GSE1: variants seen among roughly 807,000 people sequenced by gnomAD.
The protein encoded by GSE1 is Gse1 coiled-coil protein, also known as genetic suppressor element 1.
Under a neutral mutation model 112.6 loss-of-function variants are expected in GSE1, and 32 were observed. The ratio of observed to expected loss-of-function variants is 0.28; its 90% CI spans 0.21 to 0.38. The LOEUF (loss-of-function observed/expected upper bound fraction) is 0.38. Ranked by LOEUF, GSE1 falls within the 10% of genes least tolerant of loss-of-function variation. The pLI is 1.00. For missense variants in GSE1, 2,348 were observed against 1,699.2 expected (o/e 1.38, Z -6.71); for synonymous variants, 1,115 against 735.6 (o/e 1.52, Z -8.35).
chr16:85,649,328 A>G (rs1330387713), intron 3 of GSE1, among the ~76,000 whole-genome samples: 6 of 152,212 alleles, frequency 3.9e-5, no homozygotes, highest in Non-Finnish European at 7.3e-5. Flanking sequence ...TGGTGTTTGC[A>G]CGCTGAGCAC....
At chr16:85,351,945 G>A (rs972912688) in intron 1 of GSE1, among the ~76,000 whole-genome samples, 13 of 152,100 alleles carry the variant, frequency 8.5e-5, no homozygotes, top group Admixed American at 1.3e-4. Context: ...AGCCGAGATC[G>A]CACCACTGCA....
intron 1 of GSE1, among the ~76,000 whole-genome samples, chr16:85,209,506 C>A (rs143067517): frequency 4.7e-4 from 71 of 152,246 alleles, no homozygotes; most frequent in African/African-American, 1.6e-3. Flanking sequence ...ACCACTGACC[C>A]CTCCCACCCT....
chr16:85,431,187 G>A (rs1176024539), intron 2 of GSE1, among the ~76,000 whole-genome samples: 5 of 152,178 alleles, frequency 3.3e-5, no homozygotes, highest in South Asian at 2.1e-4. Context: ...CTGATAGGGC[G>A]GCAGGCAACG....
intron 1 of GSE1, among the ~76,000 whole-genome samples, chr16:85,187,325 G>A (rs992221344): frequency 2.0e-5 from 3 of 152,270 alleles, no homozygotes; most frequent in African/African-American, 7.2e-5. Context: ...GCTGGTGGAA[G>A]GGACAGAGCG....
At chr16:85,418,014 T>C (rs990146133) in intron 2 of GSE1, among the ~76,000 whole-genome samples, 3 of 152,126 alleles carry the variant, frequency 2.0e-5, no homozygotes, top group Non-Finnish European at 4.4e-5. Context: ...AATTTTTGTA[T>C]TTTTAGTAGA....
intron 1 of GSE1, among the ~76,000 whole-genome samples, chr16:85,569,131 C>G (rs2045877988): frequency 6.6e-6 from 1 of 152,210 alleles, no homozygotes; most frequent in Non-Finnish European, 1.5e-5. Flanking sequence ...GGATCCTTTT[C>G]TCCCCGACAG....
intron 9 of GSE1, 86 bp from the exon 10 acceptor site, chr16:85,662,895 G>C: frequency 1.1e-6 from 1 of 940,630 alleles, no homozygotes; most frequent in South Asian, 1.4e-5. Context: ...CCTGATAGGT[G>C]CTCTGCACAC....
At chr16:85,489,443 G>T (rs528103041) in intron 2 of GSE1, among the ~76,000 whole-genome samples, 1 of 152,028 alleles carries the variant, frequency 6.6e-6, no homozygotes, top group Non-Finnish European at 1.5e-5. Context: ...TCTCAGAACC[G>T]CTGCAGAAGC....
At chr16:85,270,154 C>G (rs1908688108) in intron 1 of GSE1, among the ~76,000 whole-genome samples, 1 of 149,064 alleles carries the variant, frequency 6.7e-6, no homozygotes, top group African/African-American at 2.4e-5. Flanking sequence ...AGGGACTGGA[C>G]AGACGCTCAG....
chr16:85,445,445 G>C (rs981316068), intron 2 of GSE1, among the ~76,000 whole-genome samples: 1 of 152,200 alleles, frequency 6.6e-6, no homozygotes, highest in Admixed American at 6.5e-5. Flanking sequence ...AGCGAGGGGG[G>C]GCGGCCAGTC....
chr16:85,318,601 C>T (rs2046034259), intron 1 of GSE1, among the ~76,000 whole-genome samples: 2 of 152,156 alleles, frequency 1.3e-5, no homozygotes, highest in East Asian at 1.9e-4. Flanking sequence ...ATAGTGGGAA[C>T]TAAATGAGTG....
chr16:85,614,504 AG>A (rs1480604088), intron 1 of GSE1, among the ~76,000 whole-genome samples: 3 of 151,422 alleles, frequency 2.0e-5, no homozygotes, highest in Non-Finnish European at 3.0e-5. Flanking sequence ...GGCCATAGGG[AG>A]GGGGTTCCCA....
Position 85,654,461 on chromosome 16 carries a change from C to T in GSE1, c.599+11C>T, listed in dbSNP as rs774219448. On this transcript the variant is annotated intron_variant, in intron 4 of 15. Transcript: ENST00000253458. The stretch of plus-strand genomic sequence containing the variant: ...CTTCCCGCCACTCAAGTAAGTTGGT[C>T]GGCGGGGACTTCGGTGAGGTGGCCA... 1.2e-5 allele frequency: 18 copies of T among 1,555,402 alleles called. No individual in the cohort carries two copies. Among genetic ancestry groups the T allele is most frequent in the East Asian group, 2.3e-5 (1 of 44,396 alleles).
chr16:85,393,142 A>C lies in GSE1; in HGVS notation c.2464+35499A>C, dbSNP rs1567731992. Among the ~76,000 whole-genome samples the C allele has an allele frequency of 2.0e-5, 3 of 152,168 alleles. No individual in the cohort carries two copies. The South Asian group carries it at 6.2e-4, about 31-fold the overall frequency. Reference sequence around the variant, plus strand: ...AACTGCGCTGGGCACGGTGGTGCGCACTTGTAATCCCAGCACTTTGGGAGG... The same window carrying C: ...AACTGCGCTGGGCACGGTGGTGCGCCCTTGTAATCCCAGCACTTTGGGAGG... On this transcript the variant is annotated intron_variant, in intron 2 of 2. Transcript: ENST00000637419.
At chr16:85,592,095 G>A (rs1012346742) in intron 1 of GSE1, among the ~76,000 whole-genome samples, 2 of 152,138 alleles carry the variant, frequency 1.3e-5, no homozygotes, top group African/African-American at 4.8e-5. Context: ...GAAGAGCTCC[G>A]TGTGAGGAGG....
In GSE1 at chr16:85,651,884, G is replaced by A. The variant is rs375061035; in HGVS notation, c.427-2394G>A. Among the ~76,000 whole-genome samples, 26 of 152,238 alleles carry A rather than the reference G, an allele frequency of 1.7e-4. 2 individuals are homozygous for A. Among genetic ancestry groups the A allele is most frequent in the East Asian group, 1.3e-3 (7 of 5,190 alleles). ...GTGTTCATTGGGGTGCTACTTGGAT[G>A]CTGGGGGGCCAGGGGCCACTCCGTC... On this transcript the variant is annotated intron_variant, in intron 3 of 15. Transcript: ENST00000253458.
At chr16:85,556,094 A>G (rs1457639396) in exon 1 of GSE1, 7 of 978,916 alleles carry the variant, frequency 7.2e-6, no homozygotes, top group Non-Finnish European at 8.5e-6. Flanking sequence ...GGTGGCCGAA[A>G]TTGCCTGGGC....
exon 2 of GSE1, chr16:85,357,622 G>A (rs1279942430): frequency 1.2e-5 from 16 of 1,288,862 alleles, no homozygotes; most frequent in Admixed American, 4.6e-5. Context: ...GGAGGAGGAC[G>A]GACCAGACCT....
At chr16:85,609,174 G>A (rs939890450), upstream of GSE1, among the ~76,000 whole-genome samples, 1 of 152,194 alleles carries the variant, frequency 6.6e-6, no homozygotes, top group Non-Finnish European at 1.5e-5. Context: ...AAATTTCCTT[G>A]CTGCCTTGAA....
Sources: gnomAD v4.1 joint callset for allele counts (sites outside exome capture counted in the v4.1 genomes callset) on GRCh38, gnomAD v4.1.1 for gene constraint, MANE v1.5 for transcripts, NCBI Gene and HGNC (gene_info 2026-07-23, HGNC 2026-07-21) for gene names.